The following DNAJA4 variants were observed in gnomAD, a reference collection of about 807,000 sequenced individuals.
DNAJA4 encodes DnaJ heat shock protein family (Hsp40) member A4.
In DNAJA4, 32 loss-of-function variants were observed where a neutral mutation model predicts 39.7. The ratio of observed to expected loss-of-function variants is 0.81; its 90% CI spans 0.61 to 1.08. The LOEUF is 1.08. DNAJA4 is among the 50% of genes least tolerant of loss of function. The pLI is 0.00. For synonymous variants in DNAJA4, 184 were observed against 182.4 expected (o/e 1.01, Z -0.07); for missense variants, 439 against 505.1 (o/e 0.87, Z 1.25).
At position 78,270,620 on chromosome 15, in the gene DNAJA4, A is replaced by G. The variant is rs757173903; in HGVS notation, c.256A>G (p.Met86Val). ...GSGSPSFSSP[M>V]DIFDMFFGGG... Reference sequence around the variant, plus strand: ...AGGCAGCCCCAGCTTCTCTTCACCCATGGACATCTTTGACATGTTCTTTGG... The same window carrying G: ...AGGCAGCCCCAGCTTCTCTTCACCCGTGGACATCTTTGACATGTTCTTTGG... The change falls in exon 2 of 7, where the codon ATG (methionine) becomes GTG (valine). Residue 86 changes from methionine to valine, a missense_variant. Physicochemically the swap from Met to Val is conservative, Grantham distance 21. Transcript: ENST00000394852. The G allele has an allele frequency of 2.5e-6, 4 of 1,614,094 alleles. No individual in the cohort carries two copies. Among genetic ancestry groups the G allele is most frequent in the Admixed American group, 1.7e-5 (1 of 60,002 alleles).
intron 2 of DNAJA4, among the ~76,000 whole-genome samples, chr15:78,271,184 T>C (rs1595924553): frequency 6.6e-6 from 1 of 152,368 alleles, no homozygotes; most frequent in Non-Finnish European, 1.5e-5. Flanking sequence ...AGTAATTATC[T>C]GACACCCTCC....
At chr15:78,278,692 C>T (rs2049552232) in intron 5 of DNAJA4, among the ~76,000 whole-genome samples, 1 of 152,098 alleles carries the variant, frequency 6.6e-6, no homozygotes, top group Non-Finnish European at 1.5e-5. Context: ...CGCTCTGTCG[C>T]CCAGGCTGGA....
At chr15:78,266,247 G>A (rs2049119718) in intron 1 of DNAJA4, 1 of 1,613,938 alleles carries the variant, frequency 6.2e-7, no homozygotes, top group Non-Finnish European at 8.5e-7. Flanking sequence ...AAAGACATGT[G>A]GGAAAGCCTG....
Position 78,274,190 on chromosome 15 carries a change from C to A in DNAJA4, c.419-7C>A. The A allele has an allele frequency of 1.2e-6, 2 of 1,612,128 alleles. No individual in the cohort carries two copies. The highest frequency in any genetic ancestry group is 2.2e-5 in the East Asian group (1 of 44,836). On this transcript the variant is annotated splice_polypyrimidine_tract_variant and splice_region_variant and intron_variant, in intron 3 of 6. Coordinates refer to ENST00000394852, the MANE Select transcript of DNAJA4 (RefSeq NM_001130182.2). ...GGCCCTCATTCCTGCCTCCCCTGAC[C>A]CTGCAGGTGTTGGTGGGAAGAAGGG...
rs760722294 is a variant in DNAJA4 at position 78,264,742 on chromosome 15, C to T, written c.-22C>T. 139 of 1,395,648 alleles carry T rather than the reference C, an allele frequency of 1.0e-4. 2 individuals are homozygous for T. In the South Asian group the frequency reaches 1.4e-3, roughly 14 times the overall value. The allele number at this position is 1,395,648 out of a possible 1,614,324, so 86.5% of individuals were successfully genotyped here. ...TCCGGGGCGCTCTGACCGGCCTCGC[C>T]CGCCCCCCCCGCAGACACAAGATGG... is the stretch of plus-strand genomic sequence containing the variant. On this transcript the variant is annotated 5_prime_UTR_variant, in exon 1 of 7. Transcript: ENST00000394852.
rs775700739 is a variant in DNAJA4 at position 78,274,316 on chromosome 15, G to A, written c.538G>A (p.Glu180Lys). ...MVQQIQTVCI[E>K]CKGQGERINP... Reference sequence around the variant, plus strand: ...ACAGCAGATCCAGACCGTGTGCATCGAGTGCAAGGGCCAGGGTGAGCGCAT... The same window carrying A: ...ACAGCAGATCCAGACCGTGTGCATCAAGTGCAAGGGCCAGGGTGAGCGCAT... Residue 180 changes from glutamate (E) to lysine (K), a missense_variant, in exon 4 of 7, where the codon GAG (glutamate) becomes AAG (lysine). By Grantham distance (56) the Glu-to-Lys change is moderately conservative (BLOSUM62 1). Coordinates refer to ENST00000394852, the MANE Select transcript of DNAJA4 (RefSeq NM_001130182.2). 19 of 1,614,086 alleles carry A rather than the reference G, an allele frequency of 1.2e-5. No homozygotes were observed. The highest frequency in any genetic ancestry group is 2.7e-5 in the African/African-American group (2 of 74,936).
intron 5 of DNAJA4, among the ~76,000 whole-genome samples, chr15:78,276,169 T>A (rs973724204): frequency 6.6e-6 from 1 of 152,254 alleles, no homozygotes; most frequent in Non-Finnish European, 1.5e-5. Flanking sequence ...TTTATTTTTG[T>A]ATAAGAAAAC....
chr15:78,280,382 G>T lies in DNAJA4; in HGVS notation c.1116G>T (p.Gln372His). Residue 372 changes from glutamine (Q) to histidine (H), a missense_variant, in exon 7 of 7, where the codon CAG becomes CAT. Transcript: ENST00000394852. ...TGAAGGAGTTTTGTCCCAATGAGCAGAACTGGCGTCAGCACAGGGAGGCCT... is the reference window on the plus strand; with the variant it reads ...TGAAGGAGTTTTGTCCCAATGAGCATAACTGGCGTCAGCACAGGGAGGCCT... ...VELKEFCPNE[Q>H]NWRQHREAYE... 1 of 1,614,196 alleles carries T rather than the reference G, an allele frequency of 6.2e-7. No individual in the cohort carries two copies. Among genetic ancestry groups the T allele is most frequent in the Non-Finnish European group, 8.5e-7 (1 of 1,180,038 alleles).
In DNAJA4 at chr15:78,279,365, G is replaced by T. The variant is rs2049585373; in HGVS notation, c.878-680G>T. On this transcript the variant is annotated intron_variant, in intron 5 of 6. Transcript: ENST00000394852. The surrounding 1 kb of genome is among the most constrained non-coding windows in gnomAD (Gnocchi z 4.5). ...CCCTTTCCTTTTCCATGCTTAGAGG[G>T]AAGTTTCTGACTTGGGAGAACGCCT... 2 of 152,290 alleles carry T rather than the reference G, an allele frequency of 1.3e-5. No individual in the cohort carries two copies. Among genetic ancestry groups the T allele is most frequent in the South Asian group, 4.1e-4 (2 of 4,832 alleles). 9.4% of individuals were successfully genotyped at this position (152,290 alleles called of 1,614,324 possible). A position where few individuals can be genotyped will look rare whatever the true frequency, so the allele number is the denominator to read the frequency against.
chr15:78,272,960 C>A (rs2049342435), intron 2 of DNAJA4, 135 bp from the exon 3 acceptor site: 3 of 656,244 alleles, frequency 4.6e-6, no homozygotes, highest in Admixed American at 2.6e-5. Context: ...TTGCTTCCTG[C>A]AGGGAAGGGA....
chr15:78,268,822 G>A (rs1299253941), intron 1 of DNAJA4, among the ~76,000 whole-genome samples: 1 of 152,256 alleles, frequency 6.6e-6, no homozygotes, highest in Non-Finnish European at 1.5e-5. Flanking sequence ...TTATGTTGCA[G>A]TGGGGGCTAC....
chr15:78,275,478 A>G lies in DNAJA4; in HGVS notation c.647-20A>G. On this transcript the variant is annotated intron_variant, in intron 4 of 6. Coordinates refer to ENST00000394852, the MANE Select transcript of DNAJA4 (RefSeq NM_001130182.2). Reference sequence around the variant, plus strand: ...GTTTGTATGAGAAATGGCTAATCAGAAAGGGATGATGTTTCATAGGTATGA... The same window carrying G: ...GTTTGTATGAGAAATGGCTAATCAGGAAGGGATGATGTTTCATAGGTATGA... 1 of 1,587,294 alleles carries G rather than the reference A, an allele frequency of 6.3e-7. No individual in the cohort carries two copies.
chr15:78,273,443 A>T (rs7168596), intron 3 of DNAJA4, among the ~76,000 whole-genome samples: 20,872 of 152,236 alleles, frequency 0.14, 1,617 homozygotes, highest in African/African-American at 0.21. Flanking sequence ...TATTTTTATT[A>T]TACTCTAAGT....
At chr15:78,272,827 T>A (rs2049338288) in intron 2 of DNAJA4, among the ~76,000 whole-genome samples, 1 of 152,206 alleles carries the variant, frequency 6.6e-6, no homozygotes, top group African/African-American at 2.4e-5. Flanking sequence ...TCTCAGAAAA[T>A]AAAGGTGGAA....
At position 78,281,277 on chromosome 15, in the gene DNAJA4, C is replaced by T. The variant is rs3743083; in HGVS notation, c.*817C>T. On this transcript the variant is annotated 3_prime_UTR_variant, in exon 7 of 7. Transcript: ENST00000394852. ...AAGAAAACTAAATCCTTCTGTGTCC[C>T]CGGCAGCCTCAGTGCAGCAACAGAA... 7,549 of 152,702 alleles carry T rather than the reference C, an allele frequency of 0.049. 224 individuals are homozygous for T. The highest frequency in any genetic ancestry group is 0.12 in the Middle Eastern group (35 of 294). 9.5% of individuals were successfully genotyped at this position (152,702 alleles called of 1,614,324 possible). A position where few individuals can be genotyped will look rare whatever the true frequency, so the allele number is the denominator to read the frequency against.
chr15:78,265,018 G>C (rs1010782370), intron 1 of DNAJA4, 123 bp downstream of exon 1: 2 of 1,217,782 alleles, frequency 1.6e-6, no homozygotes, highest in Non-Finnish European at 2.2e-6. Context: ...CAGGCGCCTC[G>C]GGGCCAGGCC....
At position 78,270,996 on chromosome 15, in the gene DNAJA4, A is replaced by AAGTCG. The variant is rs1430140100; in HGVS notation, c.313+322_313+326dup. On this transcript the variant is annotated intron_variant, in intron 2 of 6. Transcript: ENST00000394852. ...GGCTGGAGGAAAACTTGAGCCCAGG[A>AAGTCG]AGTCGAGGCTGCAGTGAGCTCTCCA... 2.6e-5 allele frequency among the ~76,000 whole-genome samples: 4 copies of AAGTCG among 152,296 alleles called. No homozygotes were observed. In the East Asian group the frequency reaches 7.7e-4, roughly 29 times the overall value.
intron 5 of DNAJA4, among the ~76,000 whole-genome samples, chr15:78,277,195 A>AT: frequency 6.6e-6 from 1 of 152,122 alleles, no homozygotes. Context: ...TTGTTCATTT[A>AT]TTTTTTGAGA....
intron 3 of DNAJA4, among the ~76,000 whole-genome samples, chr15:78,273,880 C>G (rs910648734): frequency 9.9e-5 from 15 of 152,142 alleles, no homozygotes; most frequent in African/African-American, 2.7e-4. Flanking sequence ...TCGCCACAGC[C>G]CCAGCCTCCT....
Sources: gnomAD v4.1 joint callset for allele counts (sites outside exome capture counted in the v4.1 genomes callset) on GRCh38, gnomAD v4.1.1 for gene constraint, Gnocchi (gnomAD v3.1) non-coding constraint, MANE v1.5 for transcripts, NCBI Gene and HGNC (gene_info 2026-07-23, HGNC 2026-07-21) for gene names.